The following TJP1 variants were observed in gnomAD, a reference collection of about 807,000 sequenced individuals.
TJP1 encodes tight junction protein 1, also known as tight junction protein ZO-1.
Under a neutral mutation model 194.2 loss-of-function variants are expected in TJP1, and 43 were observed. The ratio of observed to expected loss-of-function variants is 0.22; its 90% confidence interval spans 0.17 to 0.29. The LOEUF (loss-of-function observed/expected upper bound fraction) is 0.29, where lower values mean the gene tolerates loss of function less well. Among genes scored for constraint, TJP1 ranks in the 10% least tolerant of loss-of-function variants. The pLI is 1.00. For synonymous variants in TJP1, 801 were observed against 779.0 expected (o/e 1.03, Z -0.47); for missense variants, 1,971 against 2,185.7 (o/e 0.90, Z 1.96).
At chr15:29,867,678 G>A (rs2052354697) in intron 2 of TJP1, among the ~76,000 whole-genome samples, 1 of 152,140 alleles carries the variant, frequency 6.6e-6, no homozygotes, top group Non-Finnish European at 1.5e-5. Flanking sequence ...GAGGCTTTGG[G>A]AGGACATGGC....
At chr15:29,943,462 T>C (rs559093612) in intron 2 of TJP1, among the ~76,000 whole-genome samples, 2 of 151,698 alleles carry the variant, frequency 1.3e-5, no homozygotes, top group Admixed American at 6.6e-5. Flanking sequence ...ACCTCGTCTC[T>C]ACTGAAAACA....
intron 4 of TJP1, among the ~76,000 whole-genome samples, chr15:29,771,149 C>T (rs1265033215): frequency 6.6e-6 from 1 of 152,104 alleles, no homozygotes; most frequent in African/African-American, 2.4e-5. Context: ...CTACAGTATC[C>T]AGAACAGTAA....
chr15:29,959,266 AG>A (rs2056069913), intron 1 of TJP1, among the ~76,000 whole-genome samples: 2 of 150,436 alleles, frequency 1.3e-5, no homozygotes, highest in Admixed American at 1.4e-4. Context: ...CTGGGATTAC[AG>A]GTGTGAGCTA....
At chr15:29,802,553 A>G (rs2048854915) in intron 1 of TJP1, among the ~76,000 whole-genome samples, 1 of 150,656 alleles carries the variant, frequency 6.6e-6, no homozygotes, top group Non-Finnish European at 1.5e-5. Flanking sequence ...TGAGACCTCC[A>G]CTGGAAACAA....
chr15:29,863,925 T>G (rs1172112120), intron 2 of TJP1, among the ~76,000 whole-genome samples: 3 of 152,162 alleles, frequency 2.0e-5, no homozygotes, highest in African/African-American at 7.2e-5. Flanking sequence ...GTGTTTTCTT[T>G]CCTGCTGAAG....
At chr15:29,805,967 C>A (rs1019398318) in intron 1 of TJP1, among the ~76,000 whole-genome samples, 1 of 152,076 alleles carries the variant, frequency 6.6e-6, no homozygotes, top group African/African-American at 2.4e-5. Context: ...ATTTATGGAA[C>A]AAGGAGAGAG....
intron 2 of TJP1, among the ~76,000 whole-genome samples, chr15:29,863,155 G>C (rs938986300): frequency 1.3e-5 from 2 of 151,884 alleles, no homozygotes; most frequent in African/African-American, 4.8e-5. Context: ...AATTAGCTGG[G>C]TGTGGTGGCA....
chr15:29,843,378 G>A (rs910602532), intron 2 of TJP1, among the ~76,000 whole-genome samples: 8 of 152,016 alleles, frequency 5.3e-5, no homozygotes, highest in Admixed American at 2.0e-4. Context: ...TAGTAGAGAC[G>A]GGGTTTCTCT....
intron 8 of TJP1, chr15:29,758,799 C>A (rs2151503436): frequency 6.6e-6 from 1 of 152,232 alleles, no homozygotes; most frequent in South Asian, 2.1e-4. Context: ...AATTAAAAAT[C>A]ATCATCAGTT....
Position 29,720,567 on chromosome 15 carries a change from C to A in TJP1, c.2554G>T (p.Ala852Ser). 1 of 1,614,084 alleles carries A rather than the reference C, an allele frequency of 6.2e-7. No individual in the cohort carries two copies. The highest frequency in any genetic ancestry group is 8.5e-7 in the Non-Finnish European group (1 of 1,180,018). The change falls in exon 19 of 28, where the codon GCC (alanine) becomes TCC (serine). Residue 852 changes from alanine to serine, a missense_variant. Transcript: ENST00000614355. ...TCATCTAGTTCTTGATCAGTGTAGG[C>A]CCCGCCTTCTGTGTCTGTGTCTTCA... is the stretch of plus-strand genomic sequence containing the variant. ...DYEDTDTEGGAYTDQELDETL... is the reference protein window; with the variant it reads ...DYEDTDTEGGSYTDQELDETL...
At chr15:29,944,404 T>C (rs1008597532) in intron 2 of TJP1, among the ~76,000 whole-genome samples, 44 of 152,156 alleles carry the variant, frequency 2.9e-4, no homozygotes, top group South Asian at 8.3e-4. Flanking sequence ...CTTGACTTTT[T>C]AGTATCACAA....
At chr15:29,921,770 C>A (rs931601745) in intron 2 of TJP1, among the ~76,000 whole-genome samples, 2 of 152,156 alleles carry the variant, frequency 1.3e-5, no homozygotes, top group Non-Finnish European at 2.9e-5. Context: ...AATGAACCCA[C>A]ATATACCCAT....
At chr15:29,763,843 A>C (rs545119784) in intron 5 of TJP1, among the ~76,000 whole-genome samples, 26 of 152,220 alleles carry the variant, frequency 1.7e-4, no homozygotes, top group African/African-American at 5.8e-4. Context: ...CACAGCCAGA[A>C]ATAGAATCAG....
intron 8 of TJP1, among the ~76,000 whole-genome samples, chr15:29,748,327 AAC>A: frequency 6.6e-6 from 1 of 152,338 alleles, no homozygotes; most frequent in Non-Finnish European, 1.5e-5. Context: ...TCAAATGTTG[AAC>A]AGTGACATGT....
chr15:29,962,098 T>G (rs1421830623), intron 1 of TJP1, among the ~76,000 whole-genome samples: 3 of 152,224 alleles, frequency 2.0e-5, no homozygotes, highest in African/African-American at 7.2e-5. Context: ...GACTCGGTCC[T>G]TAGCAAAGTC....
intron 2 of TJP1, among the ~76,000 whole-genome samples, chr15:29,847,843 C>A (rs568728507): frequency 1.3e-5 from 2 of 152,068 alleles, no homozygotes; most frequent in African/African-American, 2.4e-5. Flanking sequence ...TAGTGCTATT[C>A]ATTTCCCTCT....
intron 8 of TJP1, among the ~76,000 whole-genome samples, chr15:29,756,627 A>G (rs2045659877): frequency 2.0e-5 from 3 of 152,164 alleles, no homozygotes; most frequent in Admixed American, 2.0e-4. Flanking sequence ...AATTCTCTCC[A>G]TATGTTTGCT....
chr15:29,819,518 T>C (rs138713352), intron 1 of TJP1, among the ~76,000 whole-genome samples: 1 of 152,340 alleles, frequency 6.6e-6, no homozygotes, highest in Non-Finnish European at 1.5e-5. Flanking sequence ...AATGCACAGA[T>C]GTTTCTGGAC....
intron 2 of TJP1, among the ~76,000 whole-genome samples, chr15:29,935,246 C>G (rs2054845892): frequency 6.6e-6 from 1 of 152,176 alleles, no homozygotes; most frequent in South Asian, 2.1e-4. Flanking sequence ...TTCAAGCGTT[C>G]CTTATTCTCA....
Sources: gnomAD v4.1 joint callset for allele counts (sites outside exome capture counted in the v4.1 genomes callset) on GRCh38, gnomAD v4.1.1 for gene constraint, MANE v1.5 for transcripts, NCBI Gene and HGNC (gene_info 2026-07-23, HGNC 2026-07-21) for gene names.